Variants in IL3RA observed in about 807,000 individuals in gnomAD.
The protein encoded by IL3RA is interleukin-3 receptor subunit alpha.
A neutral mutation model predicts 52.3 loss-of-function variants in IL3RA; 73 were observed. The ratio of observed to expected loss-of-function variants is 1.40; its 90% confidence interval spans 1.16 to 1.70. The LOEUF is 1.70. Among genes scored for constraint, IL3RA ranks in the 40% most tolerant of loss-of-function variants. IL3RA has a pLI of 0.00. For missense variants in IL3RA, 664 were observed against 504.4 expected (o/e 1.32, Z -3.03); for synonymous variants, 260 against 194.0 (o/e 1.34, Z -2.83).
chrX:1,382,395 T>C lies in IL3RA; in HGVS notation c.1067T>C (p.Val356Ala). ...TGCCTCCTCTCGTCTCTGCAGGTGG[T>C]CTGGGAGGCGGGCAAAGCCGGCCTG... ...GDSFQNDKLV[V>A]WEAGKAGLEE... The change falls in exon 12 of 12, where the codon GTC (valine) becomes GCC (alanine). Residue 356 changes from valine (V) to alanine (A), a missense_variant. Physicochemically the swap from Val to Ala is moderately conservative, Grantham distance 64 (BLOSUM62 0). Transcript: ENST00000331035. The C allele has an allele frequency of 6.2e-7, 1 of 1,613,648 alleles. No individual in the cohort carries two copies. The highest frequency in any genetic ancestry group is 8.5e-7 in the Non-Finnish European group (1 of 1,179,708).
chrX:1,360,686 C>CTT (rs113939418), intron 8 of IL3RA, among the ~76,000 whole-genome samples: 3 of 145,020 alleles, frequency 2.1e-5, no homozygotes, highest in Non-Finnish European at 3.1e-5. Flanking sequence ...GCCCAACTAA[C>CTT]TTTTTTTTTT....
At chrX:1,348,706 GTTTCTGTTTC>G (rs1556619191) in intron 4 of IL3RA, among the ~76,000 whole-genome samples, 161 bp downstream of exon 4, 1 of 70,860 alleles carries the variant, frequency 1.4e-5, no homozygotes, top group African/African-American at 4.0e-5. Context: ...CTTTCTTTCT[GTTTCTGTTTC>G]TTTCTTCCTT....
chrX:1,380,944 T>C, intron 10 of IL3RA, 79 bp from the exon 11 acceptor site: 2 of 1,234,594 alleles, frequency 1.6e-6, no homozygotes, highest in East Asian at 2.3e-5. Context: ...TGGCACTGTC[T>C]GTCCTGGACA....
chrX:1,343,680 A>T (rs1323614546), intron 2 of IL3RA, among the ~76,000 whole-genome samples: 2 of 148,712 alleles, frequency 1.3e-5, no homozygotes, highest in Non-Finnish European at 3.0e-5. Context: ...AAAAAAAAAA[A>T]AAAAAGAATA....
At chrX:1,357,591 T>C (rs17883895) in intron 7 of IL3RA, among the ~76,000 whole-genome samples, 12,204 of 151,242 alleles carry the variant, frequency 0.081, 876 homozygotes, top group African/African-American at 0.2. Context: ...CTTGAACTCC[T>C]GACCTCATGA....
chrX:1,340,202 A>C, intron 1 of IL3RA, among the ~76,000 whole-genome samples: 1 of 137,110 alleles, frequency 7.3e-6, no homozygotes, highest in Non-Finnish European at 1.5e-5. Context: ...TGCAAGCTCC[A>C]CCTCCCGGGT....
chrX:1,351,156 G>A (rs1254593208), intron 4 of IL3RA, among the ~76,000 whole-genome samples: 4 of 151,884 alleles, frequency 2.6e-5, no homozygotes, highest in East Asian at 1.9e-4. Context: ...GCAGTGAGCC[G>A]AGATGGCGCC....
chrX:1,365,064 CT>C (rs2087812153), intron 8 of IL3RA, 73 bp from the exon 9 acceptor site: 1 of 1,087,318 alleles, frequency 9.2e-7, no homozygotes, highest in Non-Finnish European at 1.4e-6. Flanking sequence ...CTGCCTTGGC[CT>C]CCCTAAGTGC....
At chrX:1,354,173 G>A (rs2086431370) in intron 6 of IL3RA, among the ~76,000 whole-genome samples, 1 of 151,894 alleles carries the variant, frequency 6.6e-6, no homozygotes, top group Non-Finnish European at 1.5e-5. Context: ...CATGGGTCAC[G>A]GGAGCCCCCA....
At chrX:1,366,533 C>G (rs866557050) in intron 9 of IL3RA, among the ~76,000 whole-genome samples, 83 of 46,358 alleles carry the variant, frequency 1.8e-3, no homozygotes, top group South Asian at 3.6e-3. Flanking sequence ...CCCGGTGAGC[C>G]GGGTGCGCGG....
chrX:1,349,922 G>GA (rs1456168152), intron 4 of IL3RA, among the ~76,000 whole-genome samples: 3 of 151,934 alleles, frequency 2.0e-5, no homozygotes, highest in Non-Finnish European at 2.9e-5. Context: ...AAAGTGCTGG[G>GA]ATGACAGGCG....
chrX:1,382,540 T>C lies in IL3RA; in HGVS notation c.*75T>C. The C allele has an allele frequency of 6.7e-6, 9 of 1,351,344 alleles. 1 individual carries two copies. In the South Asian group the frequency reaches 1.0e-4, roughly 16 times the overall value. 83.7% of individuals were successfully genotyped at this position (1,351,344 alleles called of 1,614,324 possible). A position where few individuals can be genotyped will look rare whatever the true frequency, so the allele number is the denominator to read the frequency against. ...CCAGGCGCCTGCACAGACTGGCTGC[T>C]GGACCTGCGCACGCAGCCCAGGAAT... On this transcript the variant is annotated 3_prime_UTR_variant, in exon 12 of 12. Transcript: ENST00000331035.
intron 8 of IL3RA, among the ~76,000 whole-genome samples, chrX:1,363,789 G>A (rs1488471115): frequency 7.9e-5 from 12 of 151,896 alleles, no homozygotes; most frequent in Non-Finnish European, 1.5e-4. Flanking sequence ...GCACAGTCAC[G>A]GCTCACTGCA....
intron 9 of IL3RA, among the ~76,000 whole-genome samples, chrX:1,376,671 A>G: frequency 1.4e-5 from 2 of 147,864 alleles, no homozygotes; most frequent in Non-Finnish European, 1.5e-5. Context: ...AGCCCAGGAG[A>G]GAGGCCTCAG....
chrX:1,380,947 C>A (rs1180572338), intron 10 of IL3RA, 76 bp from the exon 11 acceptor site: 87 of 1,269,800 alleles, frequency 6.9e-5, no homozygotes, highest in Non-Finnish European at 9.5e-5. Context: ...CACTGTCTGT[C>A]CTGGACACGC....
intron 3 of IL3RA, among the ~76,000 whole-genome samples, chrX:1,345,784 A>G (rs1209244955): frequency 2.6e-5 from 4 of 151,518 alleles, no homozygotes; most frequent in East Asian, 2.0e-4. Context: ...GTCACCGCGC[A>G]TGGCCCAGAC....
chrX:1,361,789 A>G (rs2087414737), intron 8 of IL3RA, among the ~76,000 whole-genome samples: 1 of 150,478 alleles, frequency 6.6e-6, no homozygotes, highest in South Asian at 2.1e-4. Flanking sequence ...GAGAGCCGAG[A>G]GAAAGGTTTC....
intron 1 of IL3RA, among the ~76,000 whole-genome samples, chrX:1,339,793 A>G (rs2085420128): frequency 6.6e-6 from 1 of 152,020 alleles, no homozygotes; most frequent in Admixed American, 6.6e-5. Context: ...ACTCCATCTC[A>G]GAAAAAACAA....
Position 1,352,470 on chromosome X carries a change from C to T in IL3RA, c.580C>T (p.Pro194Ser). Residue 194 changes from proline (P) to serine (S), a missense_variant, in exon 6 of 12, where the codon CCC becomes TCC. Transcript: ENST00000331035. ...VRGRSAAFGI[P>S]CTDKFVVFSQ... Reference sequence around the variant, plus strand: ...GGGCAGGAGCGCAGCCTTCGGTATCCCCTGCACAGATAAGTTTGTCGTCTT... The same window carrying T: ...GGGCAGGAGCGCAGCCTTCGGTATCTCCTGCACAGATAAGTTTGTCGTCTT... 1 of 1,613,756 alleles carries T rather than the reference C, an allele frequency of 6.2e-7. No homozygotes were observed. The highest frequency in any genetic ancestry group is 8.5e-7 in the Non-Finnish European group (1 of 1,179,832).
Sources: gnomAD v4.1 joint callset for allele counts (sites outside exome capture counted in the v4.1 genomes callset) on GRCh38, gnomAD v4.1.1 for gene constraint, MANE v1.5 for transcripts, NCBI Gene and HGNC (gene_info 2026-07-23, HGNC 2026-07-21) for gene names.